Variants in PREP observed in about 807,000 individuals in gnomAD.
PREP encodes the protein dJ355L5.1 (prolyl endopeptidase).
Under a neutral mutation model 87.6 loss-of-function variants are expected in PREP, and 29 were observed. The observed-to-expected ratio is 0.33, with a 90% CI of 0.25 to 0.45. The LOEUF is 0.45. Among genes scored for constraint, PREP ranks in the 20% least tolerant of loss-of-function variants. The pLI is 1.00. For synonymous variants in PREP, 337 were observed against 328.6 expected (o/e 1.03, Z -0.28); for missense variants, 695 against 886.5 (o/e 0.78, Z 2.74).
At chr6:105,333,108 T>G (rs1326885003) in intron 8 of PREP, among the ~76,000 whole-genome samples, 1 of 152,222 alleles carries the variant, frequency 6.6e-6, no homozygotes, top group Non-Finnish European at 1.5e-5. Context: ...TATGAAGACC[T>G]TGCATTTCTA....
Position 105,374,856 on chromosome 6 carries a change from C to T in PREP, c.385+1269G>A, listed in dbSNP as rs538746430. Among the ~76,000 whole-genome samples, 4 of 151,944 alleles carry T rather than the reference C, an allele frequency of 2.6e-5. No homozygotes were observed. The East Asian group carries it at 7.8e-4, about 29-fold the overall frequency. On this transcript the variant is annotated intron_variant, in intron 4 of 14. Coordinates refer to ENST00000652536, the MANE Select transcript of PREP (RefSeq NM_002726.5). ...TGACTGTTTGAGGCAGGTCTCATGC[C>T]TAATTTAGCTTCTCGCCCATCAAGG...
chr6:105,357,189 ACATCATTAATACTACTTCATACTTTTGT>A (rs1449770957), intron 6 of PREP, among the ~76,000 whole-genome samples: 1 of 152,236 alleles, frequency 6.6e-6, no homozygotes, highest in Non-Finnish European at 1.5e-5. Context: ...ATTGAAAGCA[ACATCATTAATACTACTTCATACTTTTGT>A]TCTCTTGTCC....
At chr6:105,288,393 T>C (rs1042677454) in intron 11 of PREP, among the ~76,000 whole-genome samples, 3 of 152,198 alleles carry the variant, frequency 2.0e-5, no homozygotes, top group Admixed American at 2.0e-4. Flanking sequence ...TCTTGTTGCC[T>C]AGGCTGGAGC....
chr6:105,370,242 C>CA (rs575255743), intron 5 of PREP, among the ~76,000 whole-genome samples: 141 of 83,170 alleles, frequency 1.7e-3, no homozygotes, highest in Middle Eastern at 8.3e-3. Context: ...TATAAAAATA[C>CA]AAAAAAAAAA....
chr6:105,386,274 T>G (rs1012084623), intron 2 of PREP, among the ~76,000 whole-genome samples: 1 of 152,206 alleles, frequency 6.6e-6, no homozygotes, highest in Non-Finnish European at 1.5e-5. Context: ...CTAAGGGTTC[T>G]CATTAGTTGC....
intron 6 of PREP, among the ~76,000 whole-genome samples, chr6:105,358,691 A>T (rs1772165355): frequency 6.6e-6 from 1 of 152,126 alleles, no homozygotes; most frequent in Non-Finnish European, 1.5e-5. Flanking sequence ...GGCTTCAGGG[A>T]GTAATTCACT....
intron 2 of PREP, among the ~76,000 whole-genome samples, chr6:105,387,751 G>A (rs201997987): frequency 5.3e-5 from 8 of 152,316 alleles, no homozygotes; most frequent in South Asian, 2.1e-4. Flanking sequence ...ACATGTGGCC[G>A]GTGGGCCGCA....
At chr6:105,395,054 T>C (rs1280423269) in intron 2 of PREP, among the ~76,000 whole-genome samples, 1 of 152,234 alleles carries the variant, frequency 6.6e-6, no homozygotes, top group African/African-American at 2.4e-5. Flanking sequence ...AGTATCACTA[T>C]TAAAATTCTG....
chr6:105,355,327 T>C (rs1772068589), intron 6 of PREP, among the ~76,000 whole-genome samples: 1 of 152,116 alleles, frequency 6.6e-6, no homozygotes, highest in South Asian at 2.1e-4. Context: ...CTCAAGGTGA[T>C]CCACCCATCT....
chr6:105,402,740 G>T, intron 1 of PREP, 107 bp downstream of exon 1: 1 of 1,059,982 alleles, frequency 9.4e-7, no homozygotes, highest in Non-Finnish European at 1.3e-6. Context: ...GGAGGGGAGG[G>T]ACGCGGGGGT....
chr6:105,349,626 ATAAT>A (rs1771892129), intron 7 of PREP, among the ~76,000 whole-genome samples: 1 of 152,132 alleles, frequency 6.6e-6, no homozygotes, highest in Non-Finnish European at 1.5e-5. Context: ...AAATATATAA[ATAAT>A]TAATTTATAC....
intron 2 of PREP, among the ~76,000 whole-genome samples, chr6:105,388,366 C>T (rs1351232093): frequency 3.3e-5 from 5 of 152,196 alleles, no homozygotes; most frequent in Non-Finnish European, 7.4e-5. Flanking sequence ...GGCCCTTGGT[C>T]CATTCCAAGC....
At chr6:105,319,466 C>G (rs1025502166) in intron 10 of PREP, among the ~76,000 whole-genome samples, 6 of 152,138 alleles carry the variant, frequency 3.9e-5, no homozygotes, top group African/African-American at 1.4e-4. Flanking sequence ...GCTGGCTGAA[C>G]AATGATGAAA....
chr6:105,343,205 C>G (rs1583068856), intron 7 of PREP, among the ~76,000 whole-genome samples: 2 of 152,104 alleles, frequency 1.3e-5, no homozygotes, highest in Non-Finnish European at 1.5e-5. Flanking sequence ...CAGAACAGAG[C>G]CCTCAGACAT....
intron 10 of PREP, among the ~76,000 whole-genome samples, chr6:105,310,953 T>C (rs764344423): frequency 2.6e-5 from 4 of 152,212 alleles, no homozygotes; most frequent in Admixed American, 1.3e-4. Context: ...AACTCACTGA[T>C]AAATGGTACC....
rs1437258979 is a variant in PREP, at chr6:105,397,898, A to G, written c.75T>C (p.Cys25=). ...GGTCTTCAAGCCAGGCGTAAGGGTC[A>G]CAAATTTTATGACCATGATAATCCT... ...AVQDYHGHKI[C]DPYAWLEDPD... is the part of the protein sequence containing the mutation. The change falls in exon 2 of 15, where the codon TGT becomes TGC. Residue 25 remains cysteine (C), a synonymous_variant. Transcript: ENST00000652536. The G allele has an allele frequency of 1.2e-6, 2 of 1,612,318 alleles. No homozygotes were observed. Among genetic ancestry groups the G allele is most frequent in the South Asian group, 1.1e-5 (1 of 91,040 alleles).
intron 7 of PREP, among the ~76,000 whole-genome samples, chr6:105,344,881 G>C (rs190250658): frequency 6.6e-6 from 1 of 152,244 alleles, no homozygotes; most frequent in East Asian, 1.9e-4. Context: ...AAAAACAACA[G>C]AACGGTGTAC....
intron 10 of PREP, among the ~76,000 whole-genome samples, chr6:105,317,707 C>G (rs550060358): frequency 2.6e-5 from 4 of 152,060 alleles, no homozygotes; most frequent in Non-Finnish European, 5.9e-5. Flanking sequence ...GTTGGTCACC[C>G]CAGGCAAGAT....
At chr6:105,356,827 A>G (rs1161224051) in intron 6 of PREP, among the ~76,000 whole-genome samples, 1 of 152,198 alleles carries the variant, frequency 6.6e-6, no homozygotes, top group African/African-American at 2.4e-5. Context: ...CAGAAGCAAA[A>G]ATCTATCATT....
Sources: gnomAD v4.1 joint callset for allele counts (sites outside exome capture counted in the v4.1 genomes callset) on GRCh38, gnomAD v4.1.1 for gene constraint, MANE v1.5 for transcripts, NCBI Gene and HGNC (gene_info 2026-07-23, HGNC 2026-07-21) for gene names.